Variants in SEC61A2 observed in about 807,000 individuals in gnomAD.
The protein encoded by SEC61A2 is SEC61 translocon subunit alpha 2, also known as protein transport protein Sec61 subunit alpha isoform 2.
A neutral mutation model predicts 59.9 loss-of-function variants in SEC61A2; 28 were observed. The ratio of observed to expected loss-of-function variants is 0.47; its 90% confidence interval spans 0.35 to 0.64. SEC61A2 has a LOEUF of 0.64. Ranked by LOEUF, SEC61A2 falls within the 30% of genes least tolerant of loss-of-function variation. The probability of loss-of-function intolerance (pLI) is 0.01; values close to 1 mark genes in which losing one functional copy is unlikely to be tolerated. For synonymous variants in SEC61A2, 202 were observed against 214.4 expected, an observed-to-expected ratio of 0.94 and a Z score of 0.50; for missense variants, 340 against 585.9, an observed-to-expected ratio of 0.58 and a Z score of 4.33.
downstream of SEC61A2, chr10:12,167,954 AG>A (rs1257812015): frequency 2.1e-6 from 3 of 1,397,268 alleles, no homozygotes; most frequent in Non-Finnish European, 2.8e-6. Flanking sequence ...TTGGTCTATA[AG>A]GATCTTAAAG....
intron 1 of SEC61A2, among the ~76,000 whole-genome samples, chr10:12,132,882 T>C (rs181977986): frequency 6.6e-5 from 10 of 152,336 alleles, no homozygotes; most frequent in African/African-American, 9.6e-5. Flanking sequence ...TTTTTGTATA[T>C]GTAAAATGAT....
intron 11 of SEC61A2, among the ~76,000 whole-genome samples, chr10:12,163,217 C>T (rs911018355): frequency 1.3e-5 from 2 of 151,698 alleles, no homozygotes; most frequent in Admixed American, 6.6e-5. Context: ...GGCACAATCA[C>T]AGCTCACCGC....
rs1367445115 is a variant in SEC61A2, at chr10:12,152,143, G to A, written c.462+2182G>A. ...CTGTCTCCCAGACTAAAGTGCAGTG[G>A]TGCAATCTTGGCTCACTGCAACCTC... On this transcript the variant is annotated intron_variant, in intron 6 of 11. Coordinates refer to ENST00000298428, the MANE Select transcript of SEC61A2 (RefSeq NM_018144.4). This position sits in a 1 kb window ranked among gnomAD's most constrained non-coding sequence, Gnocchi z 5.5. Among the ~76,000 whole-genome samples, 1 of 151,036 alleles carries A rather than the reference G, an allele frequency of 6.6e-6. No individual in the cohort carries two copies. Among genetic ancestry groups the A allele is most frequent in the Non-Finnish European group, 1.5e-5 (1 of 67,830 alleles).
In SEC61A2 at chr10:12,152,435, T is replaced by C. The variant is rs146744139; in HGVS notation, c.462+2474T>C. Among the ~76,000 whole-genome samples, 395 of 152,294 alleles carry C rather than the reference T, an allele frequency of 2.6e-3. 1 individual carries two copies. The highest frequency in any genetic ancestry group is 9.1e-3 in the African/African-American group (380 of 41,564). On this transcript the variant is annotated intron_variant, in intron 6 of 11. Transcript: ENST00000298428. The surrounding 1 kb of genome is among the most constrained non-coding windows in gnomAD (Gnocchi z 5.5). ...TATTTGGAAGCTTTCTGATCCCCAG[T>C]GTGTTCGCATTTGGTAGAAGATACG...
rs1397610562 is a variant in SEC61A2, at chr10:12,145,684, G to A, written c.220+2489G>A. 6.6e-6 allele frequency among the ~76,000 whole-genome samples: 1 copy of A among 152,210 alleles called. No homozygotes were observed. The highest frequency in any genetic ancestry group is 1.5e-5 in the Non-Finnish European group (1 of 68,040). ...CTAGATGCTTTCGTAGTCCGTAGAT[G>A]TGATGATTGGATCTTCACGCTCGTG... On this transcript the variant is annotated intron_variant, in intron 4 of 11. Coordinates refer to ENST00000298428, the MANE Select transcript of SEC61A2 (RefSeq NM_018144.4). This position sits in a 1 kb window ranked among gnomAD's most constrained non-coding sequence, Gnocchi z 4.4.
At position 12,164,355 on chromosome 10, in the gene SEC61A2, C is replaced by T. The variant is rs759718831; in HGVS notation, c.1332C>T (p.Gly444=). 5.6e-6 allele frequency: 9 copies of T among 1,614,138 alleles called. No homozygotes were observed. Among genetic ancestry groups the T allele is most frequent in the East Asian group, 2.2e-5 (1 of 44,888 alleles). The change falls in exon 12 of 12, where the codon GGC becomes GGT. Residue 444 remains glycine (G), a synonymous_variant. Coordinates refer to ENST00000298428, the MANE Select transcript of SEC61A2 (RefSeq NM_018144.4). The surrounding 1 kb of genome is among the most constrained non-coding windows in gnomAD (Gnocchi z 7.3). ...ACTTCCTGGGGGCCATTGGATCTGG[C>T]ACTGGAATTCTGCTAGCAGTCACTA... ...LADFLGAIGS[G]TGILLAVTII... is the part of the protein sequence containing the mutation.
downstream of SEC61A2, chr10:12,166,985 A>G (rs1834714606): frequency 9.0e-6 from 2 of 222,288 alleles, no homozygotes; most frequent in African/African-American, 2.3e-5. Context: ...TGTTTTCAGA[A>G]ACTTCAAGTA....
rs534247671 is a variant in SEC61A2 at position 12,133,171 on chromosome 10, A to AT, written c.8-66dup. The AT allele has an allele frequency of 4.0e-4, 317 of 786,266 alleles. 1 individual carries two copies. In the African/African-American group the frequency reaches 5.2e-3, roughly 13 times the overall value. The allele number at this position is 786,266 out of a possible 1,614,324, so 48.7% of individuals were successfully genotyped here. On this transcript the variant is annotated intron_variant, in intron 1 of 11. Coordinates refer to ENST00000298428, the MANE Select transcript of SEC61A2 (RefSeq NM_018144.4). ...TGGTGAAAGAGAATCTTTGTATTTG[A>AT]TTTTCTAGAAAGACAGATCTTTTTT...
chr10:12,161,344 T>A lies in SEC61A2; in HGVS notation c.1167+223T>A, dbSNP rs1472610431. On this transcript the variant is annotated intron_variant, in intron 10 of 11. Transcript: ENST00000298428. The surrounding 1 kb of genome is among the most constrained non-coding windows in gnomAD (Gnocchi z 5.4). Reference sequence around the variant, plus strand: ...CCCGTGGTCCCAGCTACTTGGGAAGTTGAGACGGAGCAGTAACGCTTGAGT... The same window carrying A: ...CCCGTGGTCCCAGCTACTTGGGAAGATGAGACGGAGCAGTAACGCTTGAGT... Among the ~76,000 whole-genome samples, 1 of 152,058 alleles carries A rather than the reference T, an allele frequency of 6.6e-6. No individual in the cohort carries two copies. Among genetic ancestry groups the A allele is most frequent in the African/African-American group, 2.4e-5 (1 of 41,382 alleles).
In SEC61A2 at chr10:12,158,767, A is replaced by C. The variant is rs575162508; in HGVS notation, c.975+662A>C. Among the ~76,000 whole-genome samples the C allele has an allele frequency of 6.6e-6, 1 of 152,116 alleles. No individual in the cohort carries two copies. Among genetic ancestry groups the C allele is most frequent in the East Asian group, 1.9e-4 (1 of 5,152 alleles). On this transcript the variant is annotated intron_variant, in intron 9 of 11. Coordinates refer to ENST00000298428, the MANE Select transcript of SEC61A2 (RefSeq NM_018144.4). The surrounding 1 kb of genome is among the most constrained non-coding windows in gnomAD (Gnocchi z 5.7). ...ACAAAAAATGCTATTTGCTGCTGCT[A>C]ACATGTGAGATACTGGACTCATCCT...
In SEC61A2 at chr10:12,165,064, C is replaced by T. The variant is rs771713671; in HGVS notation, c.*610C>T. 88 of 987,226 alleles carry T rather than the reference C, an allele frequency of 8.9e-5. No homozygotes were observed. Among genetic ancestry groups the T allele is most frequent in the Non-Finnish European group, 1.1e-4 (88 of 830,682 alleles). 61.2% of individuals were successfully genotyped at this position (987,226 alleles called of 1,614,324 possible). A position where few individuals can be genotyped will look rare whatever the true frequency, so the allele number is the denominator to read the frequency against. On this transcript the variant is annotated 3_prime_UTR_variant, in exon 12 of 12. Transcript: ENST00000298428. ...CCTCCTCCTTCTCCTCCTCCTCTTC[C>T]TCTTCCTCCTTTTCCTTCTCCTCCT... is the stretch of plus-strand genomic sequence containing the variant.
intron 1 of SEC61A2, among the ~76,000 whole-genome samples, chr10:12,132,226 G>C (rs959311700): frequency 2.6e-5 from 4 of 151,378 alleles, no homozygotes; most frequent in Non-Finnish European, 5.9e-5. Flanking sequence ...ACTTGAACCC[G>C]GGGGGCGGAG....
intron 2 of SEC61A2, among the ~76,000 whole-genome samples, chr10:12,134,340 A>T (rs2131643795): frequency 6.6e-6 from 1 of 151,386 alleles, no homozygotes. Context: ...TTGTAAAAAT[A>T]GTTGTTCCAT....
chr10:12,157,436 A>C (rs1359563221), intron 8 of SEC61A2, among the ~76,000 whole-genome samples: 1 of 151,322 alleles, frequency 6.6e-6, no homozygotes, highest in African/African-American at 2.4e-5. Context: ...CCCGAGTTCA[A>C]GTGATTCTCC....
chr10:12,159,683 G>A (rs541472389), intron 9 of SEC61A2, among the ~76,000 whole-genome samples: 28 of 152,100 alleles, frequency 1.8e-4, no homozygotes, highest in Non-Finnish European at 4.1e-4. Flanking sequence ...GAGTGAGACC[G>A]TGTCTCAAAA....
rs1834619213 is a variant in SEC61A2 at position 12,164,587 on chromosome 10, GA to G, written c.*136del. 1 of 1,461,426 alleles carries G rather than the reference GA, an allele frequency of 6.8e-7. No homozygotes were observed. Among genetic ancestry groups the G allele is most frequent in the South Asian group, 1.4e-5 (1 of 69,552 alleles). The allele number at this position is 1,461,426 out of a possible 1,614,324, so 90.5% of individuals were successfully genotyped here. On this transcript the variant is annotated 3_prime_UTR_variant, in exon 12 of 12. Coordinates refer to ENST00000298428, the MANE Select transcript of SEC61A2 (RefSeq NM_018144.4). This position sits in a 1 kb window ranked among gnomAD's most constrained non-coding sequence, Gnocchi z 7.3. ...TTCGAGTGCTGACTGACCCGTTTCT[GA>G]AATGGGCACCGAGCTAAGTCTGTGT...
chr10:12,139,657 G>A (rs918744955), intron 3 of SEC61A2, among the ~76,000 whole-genome samples: 66 of 152,176 alleles, frequency 4.3e-4, no homozygotes, highest in Non-Finnish European at 9.0e-4. Context: ...GGTGGCGGGC[G>A]CCTGTAGTCC....
At chr10:12,168,158 G>A (rs1240584013), downstream of SEC61A2, among the ~76,000 whole-genome samples, 1 of 151,990 alleles carries the variant, frequency 6.6e-6, no homozygotes, top group Non-Finnish European at 1.5e-5. This position sits in a 1 kb window ranked among gnomAD's most constrained non-coding sequence, Gnocchi z 4.8. Context: ...CCCAGTAGCT[G>A]GGACTATAGG....
Position 12,158,607 on chromosome 10 carries a change from G to C in SEC61A2, c.975+502G>C, listed in dbSNP as rs919329904. ...TAGCCAGGTGTGGTGGCAGGTGCTT[G>C]TAGTCCCAACCATTCAGGAGGTCAA... On this transcript the variant is annotated intron_variant, in intron 9 of 11. Transcript: ENST00000298428. This position sits in a 1 kb window ranked among gnomAD's most constrained non-coding sequence, Gnocchi z 5.7. 3.3e-5 allele frequency among the ~76,000 whole-genome samples: 5 copies of C among 152,110 alleles called. No individual in the cohort carries two copies.
Sources: allele counts gnomAD v4.1 joint callset (sites outside exome capture counted in the v4.1 genomes callset), GRCh38; gene constraint gnomAD v4.1.1; non-coding constraint Gnocchi (gnomAD v3.1); transcripts MANE v1.5; gene names NCBI Gene and HGNC (gene_info 2026-07-23, HGNC 2026-07-21).